The following TECR variants were observed in gnomAD, a reference collection of about 807,000 sequenced individuals.
TECR encodes very-long-chain enoyl-CoA reductase.
TECR carries 19 observed loss-of-function variants against 50.6 expected under a neutral mutation model. That is an observed-to-expected ratio of 0.38 (90% confidence interval 0.26 to 0.55). TECR has a LOEUF of 0.55. Ranked by LOEUF, TECR falls within the 20% of genes least tolerant of loss-of-function variation. The pLI is 0.79. For synonymous variants in TECR, 168 were observed against 163.5 expected, an observed-to-expected ratio of 1.03 and a Z score of -0.21; for missense variants, 313 against 408.3, an observed-to-expected ratio of 0.77 and a Z score of 2.01.
rs749412527 is a variant in TECR, at chr19:14,565,019, G to A, written c.606+27G>A. ...TAAGGAGGCTGGGTGTGGGGACGGG[G>A]TCGGGGGAGTCTGGGCGGCCCTAGG... On this transcript the variant is annotated intron_variant, in intron 9 of 12. Transcript: ENST00000215567. 46 of 1,613,932 alleles carry A rather than the reference G, an allele frequency of 2.9e-5. No homozygotes were observed. In the South Asian group the frequency reaches 4.6e-4, roughly 16 times the overall value.
intron 1 of TECR, among the ~76,000 whole-genome samples, chr19:14,543,914 T>C (rs2073214138): frequency 6.6e-6 from 1 of 150,908 alleles, no homozygotes; most frequent in African/African-American, 2.4e-5. Context: ...ATTTTTGTAT[T>C]TTTAGTAGAG....
chr19:14,565,432 C>A, intron 11 of TECR, 142 bp downstream of exon 11: 1 of 1,365,856 alleles, frequency 7.3e-7, no homozygotes, highest in Non-Finnish European at 1.0e-6. Context: ...CGCGGCCTCT[C>A]TGCTGTGGTG....
Position 14,563,751 on chromosome 19 carries a change from G to T in TECR, c.163+49G>T. The T allele has an allele frequency of 6.2e-7, 1 of 1,612,770 alleles. No individual in the cohort carries two copies. Reference sequence around the variant, plus strand: ...CCGCCCCCTGGGCTCCTGGGTGGCAGTGGGAGAAGGCCCGGGTAGCCCCTG... The same window carrying T: ...CCGCCCCCTGGGCTCCTGGGTGGCATTGGGAGAAGGCCCGGGTAGCCCCTG... On this transcript the variant is annotated intron_variant, in intron 4 of 12. Transcript: ENST00000215567. The surrounding 1 kb of genome is among the most constrained non-coding windows in gnomAD (Gnocchi z 5.3).
chr19:14,543,407 ATATATATATATATTTTTTTTTTTTTTTT>A (rs2073177483), intron 1 of TECR, among the ~76,000 whole-genome samples: 1 of 11,716 alleles, frequency 8.5e-5, no homozygotes, highest in Non-Finnish European at 2.0e-4. Context: ...ATATATATAT[ATATATATATATATTTTTTTTTTTTTTTT>A]TTTTTTTTTT....
chr19:14,540,830 CT>C (rs200190797), intron 1 of TECR, among the ~76,000 whole-genome samples: 3 of 151,794 alleles, frequency 2.0e-5, no homozygotes, highest in Admixed American at 2.0e-4. Context: ...TGTCTGGCTG[CT>C]TTTTTTTGTT....
intron 1 of TECR, among the ~76,000 whole-genome samples, chr19:14,538,548 T>G (rs996158366): frequency 1.3e-5 from 2 of 151,598 alleles, no homozygotes; most frequent in Non-Finnish European, 2.9e-5. Context: ...TTTTTTTTTT[T>G]TTTGAGATAG....
intron 8 of TECR, 43 bp downstream of exon 8, chr19:14,564,901 C>T (rs2074028525): frequency 4.3e-6 from 7 of 1,614,080 alleles, no homozygotes; most frequent in Non-Finnish European, 5.1e-6. Context: ...ACGGTCCCCA[C>T]CCAGCGGGTC....
Position 14,544,716 on chromosome 19 carries a change from T to TC in TECR, c.15+15007dup, listed in dbSNP as rs543584408. Among the ~76,000 whole-genome samples the TC allele has an allele frequency of 1.8e-3, 273 of 149,618 alleles. 2 individuals carry two copies. Among genetic ancestry groups the TC allele is most frequent in the African/African-American group, 6.2e-3 (251 of 40,640 alleles). ...TGGCACGATCACGGCTCCCTGCAAC[T>TC]CCAACTCCTGGGTTCAAGGGATTCT... On this transcript the variant is annotated intron_variant, in intron 1 of 12. Transcript: ENST00000215567.
intron 1 of TECR, among the ~76,000 whole-genome samples, chr19:14,532,695 C>T (rs537002294): frequency 6.6e-6 from 1 of 151,944 alleles, no homozygotes; most frequent in Non-Finnish European, 1.5e-5. Flanking sequence ...CCCGGCCCAG[C>T]GGATTGCATA....
At chr19:14,532,894 G>C (rs930331562) in intron 1 of TECR, among the ~76,000 whole-genome samples, 1 of 152,100 alleles carries the variant, frequency 6.6e-6, no homozygotes, top group Admixed American at 6.6e-5. Flanking sequence ...TGAATCACTT[G>C]AAGTCAGGAG....
At chr19:14,529,123 A>C (rs575194845), upstream of TECR, 57 of 177,232 alleles carry the variant, frequency 3.2e-4, 1 homozygote, top group South Asian at 5.1e-3. Flanking sequence ...TCCCATAGTG[A>C]CCTCCTCGCC....
chr19:14,534,455 T>G (rs2072791477), intron 1 of TECR, among the ~76,000 whole-genome samples: 1 of 73,110 alleles, frequency 1.4e-5, no homozygotes, highest in African/African-American at 4.6e-5. Flanking sequence ...TTTTTTTTTG[T>G]GACAGAGTCT....
rs775216128 is a variant in TECR at position 14,565,082 on chromosome 19, A to C, written c.623A>C (p.Asn208Thr). The change falls in exon 10 of 13, where the codon AAC (asparagine) becomes ACC (threonine). Residue 208 changes from asparagine to threonine, a missense_variant. Coordinates refer to ENST00000215567, the MANE Select transcript of TECR (RefSeq NM_138501.6). ...LAIFVICQLG[N>T]FSIHMALRDL... Reference sequence around the variant, plus strand: ...CTCTGACAGATCTGCCAGCTCGGCAACTTCTCCATCCACATGGCCCTGCGG... The same window carrying C: ...CTCTGACAGATCTGCCAGCTCGGCACCTTCTCCATCCACATGGCCCTGCGG... The C allele has an allele frequency of 2.5e-6, 4 of 1,613,866 alleles. No homozygotes were observed. Among genetic ancestry groups the C allele is most frequent in the East Asian group, 4.5e-5 (2 of 44,872 alleles).
chr19:14,551,815 G>GT (rs2073518603), intron 1 of TECR, among the ~76,000 whole-genome samples: 1 of 151,618 alleles, frequency 6.6e-6, no homozygotes, highest in South Asian at 2.1e-4. Flanking sequence ...TGGGTTTTTT[G>GT]TTTTTTTGTT....
chr19:14,542,350 T>G (rs1197794509), intron 1 of TECR, among the ~76,000 whole-genome samples: 7 of 65,684 alleles, frequency 1.1e-4, no homozygotes, highest in Middle Eastern at 8.2e-3. Flanking sequence ...CCATAGTGTT[T>G]TTTTTTTTTT....
intron 7 of TECR, 54 bp downstream of exon 7, chr19:14,564,341 C>A: frequency 2.1e-6 from 3 of 1,401,834 alleles, no homozygotes; most frequent in Non-Finnish European, 2.9e-6. Context: ...CCCCACCCCG[C>A]CCCGCCCCCA....
At chr19:14,529,287 G>A (rs926761926), upstream of TECR, 1 of 346,422 alleles carries the variant, frequency 2.9e-6, no homozygotes, top group Non-Finnish European at 5.6e-6. Context: ...CCCCGCCCCC[G>A]CGTCTGGCCT....
At position 14,565,199 on chromosome 19, in the gene TECR, C is replaced by T. The variant is rs761724000; in HGVS notation, c.665-3C>T. The T allele has an allele frequency of 4.3e-6, 7 of 1,614,010 alleles. No individual in the cohort carries two copies. The highest frequency in any genetic ancestry group is 5.1e-6 in the Non-Finnish European group (6 of 1,180,018). On this transcript the variant is annotated splice_polypyrimidine_tract_variant and splice_region_variant and intron_variant, in intron 10 of 12. Transcript: ENST00000215567. ...GACTTTCTCCTTCTGTCCTGCCTGC[C>T]AGGGTCCAAGACGCGGAAGATCCCA...
At chr19:14,543,682 C>T (rs924355189) in intron 1 of TECR, among the ~76,000 whole-genome samples, 39 of 150,728 alleles carry the variant, frequency 2.6e-4, no homozygotes, top group African/African-American at 9.3e-4. Context: ...TCGTGATCCT[C>T]CCGCCTCGGC....
Sources: gnomAD v4.1 joint callset for allele counts (sites outside exome capture counted in the v4.1 genomes callset) on GRCh38, gnomAD v4.1.1 for gene constraint, Gnocchi (gnomAD v3.1) non-coding constraint, MANE v1.5 for transcripts, NCBI Gene and HGNC (gene_info 2026-07-23, HGNC 2026-07-21) for gene names.